CASKIN1: variants seen among roughly 807,000 people sequenced by gnomAD.
The protein encoded by CASKIN1 is caskin-1.
A neutral mutation model predicts 117.5 loss-of-function variants in CASKIN1; 42 were observed. The ratio of observed to expected loss-of-function variants is 0.36; its 90% CI spans 0.28 to 0.46. CASKIN1 has a LOEUF of 0.46. Among genes scored for constraint, CASKIN1 ranks in the 20% least tolerant of loss-of-function variants. The pLI is 1.00. For synonymous variants in CASKIN1, 1,148 were observed against 961.7 expected (o/e 1.19, Z -3.59); for missense variants, 2,083 against 2,077.3 (o/e 1.00, Z -0.05).
chr16:2,179,141 C>A lies in CASKIN1; in HGVS notation c.3960G>T (p.Ser1320=). The A allele has an allele frequency of 4.8e-6, 5 of 1,047,876 alleles. No homozygotes were observed. The highest frequency in any genetic ancestry group is 4.4e-5 in the South Asian group (1 of 22,602). The allele number at this position is 1,047,876 out of a possible 1,614,324, so 64.9% of individuals were successfully genotyped here. ...GGGGCTTGGCGGGGCTGGCGCCCAG[C>A]GAGGGCGGCGTACCGGGCGGCTTGG... is the stretch of plus-strand genomic sequence containing the variant. ...ALAKPPGTPP[S]LGASPAKPPS... The change falls in exon 19 of 20, where the codon TCG becomes TCT. Residue 1320 remains serine, a synonymous_variant. Coordinates refer to ENST00000343516, the MANE Select transcript of CASKIN1 (RefSeq NM_020764.4). The surrounding 1 kb of genome is among the most constrained non-coding windows in gnomAD (Gnocchi z 5.8).
At chr16:2,189,679 GGC>G (rs1341044240) in intron 3 of CASKIN1, 115 bp from the exon 4 acceptor site, 11 of 1,033,140 alleles carry the variant, frequency 1.1e-5, no homozygotes, top group African/African-American at 1.6e-5. Context: ...GGGGTGGGAG[GGC>G]GCTAGGAGCT....
In CASKIN1 at chr16:2,185,234, C is replaced by T. The variant is rs748947907; in HGVS notation, c.1151-35G>A. On this transcript the variant is annotated intron_variant, in intron 11 of 19. Coordinates refer to ENST00000343516, the MANE Select transcript of CASKIN1 (RefSeq NM_020764.4). ...CAAGGGAGCAAGATGAGGCCAGTGC[C>T]GGCCCCTGCCTGGCCCCACGGTGGT... The T allele has an allele frequency of 3.4e-5, 54 of 1,605,768 alleles. No homozygotes were observed. The South Asian group carries it at 4.1e-4, about 12-fold the overall frequency.
chr16:2,189,059 G>C lies in CASKIN1; in HGVS notation c.585C>G (p.Leu195=). 1 of 1,613,528 alleles carries C rather than the reference G, an allele frequency of 6.2e-7. No individual in the cohort carries two copies. Among genetic ancestry groups the C allele is most frequent in the Non-Finnish European group, 8.5e-7 (1 of 1,179,720 alleles). The change falls in exon 6 of 20, where the codon CTC becomes CTG. Residue 195 remains leucine, a synonymous_variant. Coordinates refer to ENST00000343516, the MANE Select transcript of CASKIN1 (RefSeq NM_020764.4). Reference sequence around the variant, plus strand: ...TGTCGATGTGGCCGTTTTTAGCTGCGAGGTGCAAAGGGCTGGTGCCGTTGG... The same window carrying C: ...TGTCGATGTGGCCGTTTTTAGCTGCCAGGTGCAAAGGGCTGGTGCCGTTGG... The part of the protein sequence containing the change: ...TDPNGTSPLH[L]AAKNGHIDII...
At chr16:2,186,669 G>A in intron 10 of CASKIN1, 38 bp downstream of exon 10, 3 of 1,576,030 alleles carry the variant, frequency 1.9e-6, no homozygotes, top group East Asian at 2.2e-5. Context: ...CCAAGCCCAG[G>A]GGCTCCTGCC....
rs766262828 is a variant in CASKIN1 at position 2,189,013 on chromosome 16, G to A, written c.617+14C>T. 1.2e-6 allele frequency: 2 copies of A among 1,606,302 alleles called. No individual in the cohort carries two copies. The highest frequency in any genetic ancestry group is 1.7e-5 in the Admixed American group (1 of 59,420). ...GGACCCTAAGGCTGAGGCCCTCCCT[G>A]CTACCGGCTCTACCTGATGATGTCG... On this transcript the variant is annotated intron_variant, in intron 6 of 19. Coordinates refer to ENST00000343516, the MANE Select transcript of CASKIN1 (RefSeq NM_020764.4).
Position 2,182,813 on chromosome 16 carries a change from C to T in CASKIN1, c.1629+833G>A, listed in dbSNP as rs2002656. Among the ~76,000 whole-genome samples, 1,378 of 152,370 alleles carry T rather than the reference C, an allele frequency of 9.0e-3. 16 individuals carry two copies. The highest frequency in any genetic ancestry group is 0.031 in the African/African-American group (1,284 of 41,586). On this transcript the variant is annotated intron_variant, in intron 16 of 19. Transcript: ENST00000343516. This position sits in a 1 kb window ranked among gnomAD's most constrained non-coding sequence, Gnocchi z 4.1. ...CCCTGTTGTTTTGCTTTGTTTGAGA[C>T]GGAGCCTCGCTCTGTCGCCCAGGCT...
intron 16 of CASKIN1, 61 bp downstream of exon 16, chr16:2,183,585 C>CTCTGTCTG: frequency 2.0e-6 from 3 of 1,507,850 alleles, no homozygotes; most frequent in Non-Finnish European, 2.7e-6. Flanking sequence ...GAGGCAGGTT[C>CTCTGTCTG]TCTGTCTGTC....
chr16:2,195,536 G>A (rs2093213267), intron 1 of CASKIN1, among the ~76,000 whole-genome samples: 1 of 152,250 alleles, frequency 6.6e-6, no homozygotes, highest in Non-Finnish European at 1.5e-5. Context: ...GAGGCTACGC[G>A]CTGAGCCAGG....
chr16:2,186,629 C>T, intron 10 of CASKIN1, 78 bp downstream of exon 10: 8 of 1,310,614 alleles, frequency 6.1e-6, no homozygotes, highest in Non-Finnish European at 7.6e-6. Context: ...TGGGCCCCCA[C>T]ACCCTCAGCA....
In CASKIN1 at chr16:2,180,151, G is replaced by A. The variant is rs1232617906; in HGVS notation, c.3217C>T (p.Leu1073Phe). The change falls in exon 18 of 20, where the codon CTT (leucine) becomes TTT (phenylalanine). Residue 1073 changes from leucine to phenylalanine, a missense_variant. Physicochemically the swap from Leu to Phe is conservative, Grantham distance 22 (BLOSUM62 0). Around this residue, in one of 3 missense-constraint regions of CASKIN1, gnomAD observed 1,818 missense variants for 1,688.9 expected, o/e 1.08. Coordinates refer to ENST00000343516, the MANE Select transcript of CASKIN1 (RefSeq NM_020764.4). ...GGCCCCCGGCGGGCAGTGGCCAGAA[G>A]TCCGGTGACTGGCCCGCTGAGCGTG... is the stretch of plus-strand genomic sequence containing the variant. ...RRTLSGPVTG[L>F]LATARRGPGE... 6.4e-7 allele frequency: 1 copy of A among 1,555,142 alleles called. No homozygotes were observed. The highest frequency in any genetic ancestry group is 8.7e-7 in the Non-Finnish European group (1 of 1,150,516).
intron 1 of CASKIN1, among the ~76,000 whole-genome samples, chr16:2,192,269 T>G (rs1469384996): frequency 1.3e-5 from 2 of 151,142 alleles, no homozygotes; most frequent in African/African-American, 2.4e-5. Context: ...ACTCACTGCA[T>G]TCCAACCTGG....
chr16:2,178,856 C>T (rs1471513483), intron 19 of CASKIN1, 46 bp downstream of exon 19: 1 of 1,377,704 alleles, frequency 7.3e-7, no homozygotes, highest in Non-Finnish European at 9.3e-7. Context: ...CCGCCCATCT[C>T]TGCCGAGCCC....
At position 2,177,964 on chromosome 16, in the gene CASKIN1, T is replaced by C. The variant is rs1050326044; in HGVS notation, c.*586A>G. The C allele has an allele frequency of 2.7e-6, 1 of 366,410 alleles. No individual in the cohort carries two copies. Among genetic ancestry groups the C allele is most frequent in the African/African-American group, 2.2e-5 (1 of 46,136 alleles). The allele number at this position is 366,410 out of a possible 1,614,324, so 22.7% of individuals were successfully genotyped here. A position where few individuals can be genotyped will look rare whatever the true frequency, so the allele number is the denominator to read the frequency against. On this transcript the variant is annotated 3_prime_UTR_variant, in exon 20 of 20. Coordinates refer to ENST00000343516, the MANE Select transcript of CASKIN1 (RefSeq NM_020764.4). Reference sequence around the variant, plus strand: ...CAGACAGCCTGGGCCTCTAACAGCTTTTGTCCGGAGCTAGACTTCGTGTCC... The same window carrying C: ...CAGACAGCCTGGGCCTCTAACAGCTCTTGTCCGGAGCTAGACTTCGTGTCC...
In CASKIN1 at chr16:2,181,871, A is replaced by C; in HGVS notation, c.1688T>G (p.Val563Gly). 6.2e-7 allele frequency: 1 copy of C among 1,613,768 alleles called. No homozygotes were observed. The highest frequency in any genetic ancestry group is 8.5e-7 in the Non-Finnish European group (1 of 1,179,964). Residue 563 changes from valine (V) to glycine (G), a missense_variant, in exon 17 of 20, where the codon GTG (valine) becomes GGG (glycine). By Grantham distance (109) the Val-to-Gly change is moderately radical (BLOSUM62 -3). Around this residue, in one of 3 missense-constraint regions of CASKIN1, gnomAD observed 1,818 missense variants for 1,688.9 expected, o/e 1.08. Transcript: ENST00000343516. ...IGLAQYYKVL[V>G]DNGYENIDFI... is the part of the protein sequence containing the mutation. ...ATCAATGTTCTCGTAGCCATTGTCC[A>C]CCAACACCTTGTAGTACTGGGCCAG...
At position 2,179,978 on chromosome 16, in the gene CASKIN1, G is replaced by A. The variant is rs2093161403; in HGVS notation, c.3390C>T (p.Ala1130=). The A allele has an allele frequency of 6.2e-7, 1 of 1,606,256 alleles. No individual in the cohort carries two copies. The highest frequency in any genetic ancestry group is 8.5e-7 in the Non-Finnish European group (1 of 1,176,968). Residue 1130 remains alanine, a synonymous_variant, in exon 18 of 20, where the codon GCC becomes GCT. Transcript: ENST00000343516. The surrounding 1 kb of genome is among the most constrained non-coding windows in gnomAD (Gnocchi z 5.8). ...ASATLKRRIR[A]KQNQQENVKF... Reference sequence around the variant, plus strand: ...TGACGTTCTCCTGCTGGTTCTGCTTGGCCCGGATGCGCCTCTTGAGTGTGG... The same window carrying A: ...TGACGTTCTCCTGCTGGTTCTGCTTAGCCCGGATGCGCCTCTTGAGTGTGG...
At chr16:2,192,017 T>C (rs549173544) in intron 1 of CASKIN1, among the ~76,000 whole-genome samples, 3 of 152,168 alleles carry the variant, frequency 2.0e-5, no homozygotes, top group Non-Finnish European at 4.4e-5. Context: ...TCAGGCTCTG[T>C]GCCGTGGCTC....
rs918717658 is a variant in CASKIN1, at chr16:2,178,092, C to T, written c.*458G>A. 4 of 500,396 alleles carry T rather than the reference C, an allele frequency of 8.0e-6. No homozygotes were observed. The highest frequency in any genetic ancestry group is 9.1e-5 in the East Asian group (2 of 22,000). 31.0% of individuals were successfully genotyped at this position (500,396 alleles called of 1,614,324 possible). The stretch of plus-strand genomic sequence containing the variant: ...TTTGTTTCTCTGGGGAAATCCGCCT[C>T]AGCTCATTCCCAATAAATTAATACT... On this transcript the variant is annotated 3_prime_UTR_variant, in exon 20 of 20. Transcript: ENST00000343516.
chr16:2,190,263 G>A (rs1432206801), intron 2 of CASKIN1, 44 bp downstream of exon 2: 9 of 1,581,692 alleles, frequency 5.7e-6, no homozygotes, highest in Non-Finnish European at 7.7e-6. Context: ...CTCTCTAGGA[G>A]CCACCCTCCC....
Position 2,178,501 on chromosome 16 carries a change from G to T in CASKIN1, c.*49C>A. The T allele has an allele frequency of 6.9e-7, 1 of 1,451,494 alleles. No individual in the cohort carries two copies. Among genetic ancestry groups the T allele is most frequent in the Non-Finnish European group, 9.2e-7 (1 of 1,082,822 alleles). The allele number at this position is 1,451,494 out of a possible 1,614,324, so 89.9% of individuals were successfully genotyped here. A position where few individuals can be genotyped will look rare whatever the true frequency, so the allele number is the denominator to read the frequency against. The stretch of plus-strand genomic sequence containing the variant: ...CGCGCCCATCCTGAGGTATAGGTCA[G>T]TGTGCGGGGAGGGCCCGGGCGGCGC... On this transcript the variant is annotated 3_prime_UTR_variant, in exon 20 of 20. Transcript: ENST00000343516.
Sources: gnomAD v4.1 joint callset for allele counts (sites outside exome capture counted in the v4.1 genomes callset) on GRCh38, gnomAD v4.1.1 for gene constraint, gnomAD v4.1.1 regional missense constraint, Gnocchi (gnomAD v3.1) non-coding constraint, MANE v1.5 for transcripts, NCBI Gene and HGNC (gene_info 2026-07-23, HGNC 2026-07-21) for gene names.